ADAMTS19: variants seen among roughly 807,000 people sequenced by gnomAD.
ADAMTS19 encodes ADAM metallopeptidase with thrombospondin type 1 motif 19.
A neutral mutation model predicts 153.3 loss-of-function variants in ADAMTS19; 93 were observed. That is an observed-to-expected ratio of 0.61 (90% confidence interval 0.51 to 0.72). ADAMTS19 has a LOEUF of 0.72. Ranked by LOEUF, ADAMTS19 falls within the 30% of genes least tolerant of loss-of-function variation. The pLI, the probability that ADAMTS19 is intolerant of heterozygous loss-of-function variation, is 0.00. For synonymous variants in ADAMTS19, 600 were observed against 556.6 expected (o/e 1.08, Z -1.10); for missense variants, 1,482 against 1,552.1 (o/e 0.95, Z 0.76).
chr5:129,548,122 C>T lies in ADAMTS19; in HGVS notation c.1329-3742C>T, dbSNP rs540641346. 1.1e-3 allele frequency among the ~76,000 whole-genome samples: 159 copies of T among 150,694 alleles called. 12 individuals are homozygous for T. Among genetic ancestry groups the T allele is most frequent in the African/African-American group, 3.8e-3 (154 of 40,094 alleles). On this transcript the variant is annotated intron_variant, in intron 6 of 22. Transcript: ENST00000274487. ...TTCAGGACATAGGCATGGGCAAAGA[C>T]TTCATGTCTAAAACACCAAAAGCAA...
At chr5:129,478,472 G>A (rs1244024037) in intron 2 of ADAMTS19, among the ~76,000 whole-genome samples, 1 of 152,146 alleles carries the variant, frequency 6.6e-6, no homozygotes, top group Non-Finnish European at 1.5e-5. Flanking sequence ...ATATCTGCAA[G>A]GAATGGGAAA....
chr5:129,537,184 A>G lies in ADAMTS19; in HGVS notation c.1328+8507A>G, dbSNP rs1752469056. On this transcript the variant is annotated intron_variant, in intron 6 of 22. Coordinates refer to ENST00000274487, the MANE Select transcript of ADAMTS19 (RefSeq NM_133638.6). ...ACAGACACATGAAAAAATGCTCATC[A>G]TCGCTGGCCATCAGAGAAATGCAAA... Among the ~76,000 whole-genome samples the G allele has an allele frequency of 3.9e-5, 6 of 152,338 alleles. No homozygotes were observed. The South Asian group carries it at 1.2e-3, about 32-fold the overall frequency.
intron 2 of ADAMTS19, among the ~76,000 whole-genome samples, chr5:129,483,922 G>A (rs1409787622): frequency 6.6e-6 from 1 of 152,072 alleles, no homozygotes; most frequent in East Asian, 1.9e-4. Context: ...GAGACACAGG[G>A]CTTGCGTTAT....
intron 8 of ADAMTS19, among the ~76,000 whole-genome samples, chr5:129,607,565 T>C (rs61209330): frequency 0.067 from 10,139 of 152,244 alleles, 586 homozygotes; most frequent in African/African-American, 0.16. Context: ...CTAAGTAATA[T>C]GATTTTATGA....
intron 10 of ADAMTS19, among the ~76,000 whole-genome samples, chr5:129,633,685 T>C (rs1359645361): frequency 6.6e-6 from 1 of 152,192 alleles, no homozygotes; most frequent in Non-Finnish European, 1.5e-5. Context: ...CTTCAAAGAC[T>C]GTTTTTTGTT....
At chr5:129,606,536 A>G (rs1750904208) in intron 8 of ADAMTS19, among the ~76,000 whole-genome samples, 1 of 152,118 alleles carries the variant, frequency 6.6e-6, no homozygotes. Context: ...TTGCTACCTC[A>G]TCTTTCTAAT....
At chr5:129,661,140 T>A (rs1279149826) in intron 15 of ADAMTS19, among the ~76,000 whole-genome samples, 1 of 152,224 alleles carries the variant, frequency 6.6e-6, no homozygotes, top group African/African-American at 2.4e-5. Context: ...ATTTTAGTGA[T>A]GTTTACCACA....
intron 8 of ADAMTS19, among the ~76,000 whole-genome samples, chr5:129,606,769 T>C (rs1750916528): frequency 6.6e-6 from 1 of 152,178 alleles, no homozygotes; most frequent in Non-Finnish European, 1.5e-5. Context: ...CCTTTATTCA[T>C]TTTTTTATTA....
At chr5:129,581,025 G>C (rs192224199) in intron 7 of ADAMTS19, among the ~76,000 whole-genome samples, 6 of 152,302 alleles carry the variant, frequency 3.9e-5, no homozygotes, top group Admixed American at 2.6e-4. Context: ...GCTCCTCTTT[G>C]TACCTCTGGT....
At chr5:129,555,679 GT>G (rs952385426) in intron 7 of ADAMTS19, among the ~76,000 whole-genome samples, 3 of 152,150 alleles carry the variant, frequency 2.0e-5, no homozygotes, top group African/African-American at 7.2e-5. Context: ...ATCACATCCT[GT>G]TATTCCCCAT....
chr5:129,660,793 T>C (rs1304698968), intron 15 of ADAMTS19, among the ~76,000 whole-genome samples: 4 of 152,184 alleles, frequency 2.6e-5, no homozygotes, highest in African/African-American at 9.7e-5. Flanking sequence ...CTTTCTTCCT[T>C]ACAACTCTAT....
intron 19 of ADAMTS19, among the ~76,000 whole-genome samples, chr5:129,695,925 A>G (rs1028484689): frequency 1.1e-4 from 16 of 152,262 alleles, no homozygotes; most frequent in African/African-American, 3.9e-4. Context: ...TAGGCAGATA[A>G]TGTGTCATTT....
chr5:129,483,522 A>G (rs1750486014), intron 2 of ADAMTS19, among the ~76,000 whole-genome samples: 1 of 152,198 alleles, frequency 6.6e-6, no homozygotes, highest in African/African-American at 2.4e-5. Flanking sequence ...CCCAGAATGT[A>G]TGCAGACATT....
chr5:129,553,254 A>G lies in ADAMTS19; in HGVS notation c.1372+1347A>G, dbSNP rs192947316. 4.0e-3 allele frequency among the ~76,000 whole-genome samples: 611 copies of G among 152,216 alleles called. 5 individuals are homozygous for G. Among genetic ancestry groups the G allele is most frequent in the South Asian group, 0.038 (183 of 4,830 alleles). ...GTGAGAAATCAGCAACTCAGGCGCC[A>G]TCTTCCATAGCTATACACACGAACT... On this transcript the variant is annotated intron_variant, in intron 7 of 22. Coordinates refer to ENST00000274487, the MANE Select transcript of ADAMTS19 (RefSeq NM_133638.6).
intron 18 of ADAMTS19, among the ~76,000 whole-genome samples, chr5:129,692,353 G>T (rs1487522350): frequency 6.6e-6 from 1 of 151,958 alleles, no homozygotes; most frequent in Non-Finnish European, 1.5e-5. Flanking sequence ...AAAAAAAAGA[G>T]CATAATGTCA....
chr5:129,604,435 A>C lies in ADAMTS19; in HGVS notation c.1478+7771A>C, dbSNP rs186610131. Among the ~76,000 whole-genome samples the C allele has an allele frequency of 2.6e-5, 4 of 152,286 alleles. No individual in the cohort carries two copies. The East Asian group carries it at 7.7e-4, about 29-fold the overall frequency. On this transcript the variant is annotated intron_variant, in intron 8 of 22. Coordinates refer to ENST00000274487, the MANE Select transcript of ADAMTS19 (RefSeq NM_133638.6). ...TCTCTCTATTAAGCATTTTAGTGGC[A>C]CCACCTCCTTCGTAAATGCACATTT... is the stretch of plus-strand genomic sequence containing the variant.
chr5:129,643,837 C>T (rs1355136861), intron 11 of ADAMTS19, among the ~76,000 whole-genome samples: 1 of 152,052 alleles, frequency 6.6e-6, no homozygotes, highest in African/African-American at 2.4e-5. Context: ...AGCAAGTCTC[C>T]TGATATTGTG....
chr5:129,477,965 G>A (rs897879350), intron 2 of ADAMTS19, among the ~76,000 whole-genome samples: 1 of 152,142 alleles, frequency 6.6e-6, no homozygotes, highest in Non-Finnish European at 1.5e-5. Flanking sequence ...TTCTTAAATT[G>A]ATTTCCATAA....
intron 2 of ADAMTS19, among the ~76,000 whole-genome samples, chr5:129,507,255 G>C (rs1003682098): frequency 6.6e-6 from 1 of 151,900 alleles, no homozygotes; most frequent in Non-Finnish European, 1.5e-5. Context: ...ATGACTCTCA[G>C]AATTACACTA....
Sources: gnomAD v4.1 joint callset for allele counts (sites outside exome capture counted in the v4.1 genomes callset) on GRCh38, gnomAD v4.1.1 for gene constraint, MANE v1.5 for transcripts, NCBI Gene and HGNC (gene_info 2026-07-23, HGNC 2026-07-21) for gene names.